EDNRA: variants seen among roughly 807,000 people sequenced by gnomAD.
EDNRA encodes the protein endothelin receptor type A.
Under a neutral mutation model 41.4 loss-of-function variants are expected in EDNRA, and 11 were observed. That is an observed-to-expected ratio of 0.27 (90% CI 0.17 to 0.44). The LOEUF is 0.44. Ranked by LOEUF, EDNRA falls within the 20% of genes least tolerant of loss-of-function variation. The probability of loss-of-function intolerance (pLI) is 1.00; values close to 1 mark genes in which losing one functional copy is unlikely to be tolerated. For missense variants in EDNRA, 294 were observed against 531.0 expected, an observed-to-expected ratio of 0.55 and a Z score of 4.39; for synonymous variants, 172 against 183.0, an observed-to-expected ratio of 0.94 and a Z score of 0.49.
At chr4:147,514,160 G>A (rs1054789047) in intron 2 of EDNRA, among the ~76,000 whole-genome samples, 2 of 152,176 alleles carry the variant, frequency 1.3e-5, no homozygotes, top group African/African-American at 4.8e-5. Context: ...CTTGTGGCAG[G>A]TATGAGAACT....
intron 4 of EDNRA, among the ~76,000 whole-genome samples, chr4:147,533,913 T>A (rs1474100782): frequency 6.6e-6 from 1 of 152,152 alleles, no homozygotes; most frequent in Non-Finnish European, 1.5e-5. Context: ...ACGGTTGCAG[T>A]AAAGGGTATG....
At chr4:147,532,831 T>C in intron 4 of EDNRA, 127 bp downstream of exon 4, 1 of 950,282 alleles carries the variant, frequency 1.1e-6, no homozygotes, top group Admixed American at 2.2e-5. Flanking sequence ...ATTCCTCAGT[T>C]GCATGAAAAG....
chr4:147,518,212 T>A (rs1730182639), intron 2 of EDNRA, among the ~76,000 whole-genome samples: 1 of 152,196 alleles, frequency 6.6e-6, no homozygotes, highest in Non-Finnish European at 1.5e-5. Flanking sequence ...TTTTATAGGG[T>A]GATTCATCTC....
At chr4:147,495,293 A>G (rs989926674) in intron 2 of EDNRA, 2 of 152,218 alleles carry the variant, frequency 1.3e-5, no homozygotes, top group Admixed American at 6.5e-5. Context: ...GACAAACCTT[A>G]TCATTACCAA....
intron 4 of EDNRA, 101 bp downstream of exon 4, chr4:147,532,805 G>A (rs1056279525): frequency 8.1e-7 from 1 of 1,242,016 alleles, no homozygotes; most frequent in Non-Finnish European, 1.2e-6. Flanking sequence ...GTCAAGTGTG[G>A]TTTCTTCTGT....
chr4:147,503,063 G>A (rs897940650), intron 2 of EDNRA, among the ~76,000 whole-genome samples: 1 of 151,928 alleles, frequency 6.6e-6, no homozygotes. Flanking sequence ...GTTCAGCCTT[G>A]AGTTTGTTTT....
intron 4 of EDNRA, among the ~76,000 whole-genome samples, chr4:147,534,830 T>C (rs537765001): frequency 6.6e-6 from 1 of 152,344 alleles, no homozygotes; most frequent in Non-Finnish European, 1.5e-5. Flanking sequence ...GAAGGGATTA[T>C]AGTCTTTACC....
intron 4 of EDNRA, 94 bp downstream of exon 4, chr4:147,532,798 A>ATC: frequency 3.0e-6 from 4 of 1,313,790 alleles, no homozygotes; most frequent in Non-Finnish European, 4.3e-6. Context: ...CCACAATGTC[A>ATC]AGTGTGGTTT....
chr4:147,524,051 G>A (rs1289006652), intron 3 of EDNRA, among the ~76,000 whole-genome samples: 2 of 152,034 alleles, frequency 1.3e-5, no homozygotes, highest in Non-Finnish European at 2.9e-5. Context: ...GAAAGGGAAG[G>A]AAGACCCTTC....
intron 3 of EDNRA, among the ~76,000 whole-genome samples, chr4:147,523,780 G>A (rs1030936778): frequency 1.3e-5 from 2 of 151,988 alleles, no homozygotes; most frequent in South Asian, 2.1e-4. Context: ...ATGAGCCACC[G>A]CGCCCGTCCT....
At chr4:147,501,802 A>G (rs1323161634) in intron 2 of EDNRA, among the ~76,000 whole-genome samples, 3 of 152,214 alleles carry the variant, frequency 2.0e-5, no homozygotes, top group African/African-American at 7.2e-5. Context: ...TTTGCAGACT[A>G]TGCTACAATT....
chr4:147,509,482 G>T (rs1729844230), intron 2 of EDNRA, among the ~76,000 whole-genome samples: 1 of 152,144 alleles, frequency 6.6e-6, no homozygotes, highest in Admixed American at 6.5e-5. Flanking sequence ...TCTAGATCAG[G>T]GGTCCTCAAC....
chr4:147,502,209 T>C (rs1729540369), intron 2 of EDNRA, among the ~76,000 whole-genome samples: 1 of 152,206 alleles, frequency 6.6e-6, no homozygotes, highest in Non-Finnish European at 1.5e-5. Flanking sequence ...TGCAAAAGTA[T>C]ACATTTTTAC....
At chr4:147,533,314 A>G (rs1054338738) in intron 4 of EDNRA, among the ~76,000 whole-genome samples, 3 of 152,216 alleles carry the variant, frequency 2.0e-5, no homozygotes, top group African/African-American at 7.2e-5. Flanking sequence ...ACACCTGACC[A>G]TATTAATGTT....
At chr4:147,501,321 T>C (rs1729510053) in intron 2 of EDNRA, among the ~76,000 whole-genome samples, 1 of 152,254 alleles carries the variant, frequency 6.6e-6, no homozygotes, top group South Asian at 2.1e-4. Flanking sequence ...AAAACATGCC[T>C]GTGCAGGGGC....
At position 147,525,595 on chromosome 4, in the gene EDNRA, C is replaced by CAAA. The variant is rs58331044; in HGVS notation, c.548+5628_548+5630dup. Among the ~76,000 whole-genome samples, 486 of 132,384 alleles carry CAAA rather than the reference C, an allele frequency of 3.7e-3. 9 individuals carry two copies. Among genetic ancestry groups the CAAA allele is most frequent in the African/African-American group, 0.012 (450 of 36,444 alleles). The allele number at this position is 132,384 out of a possible 152,430, so 86.8% of individuals were successfully genotyped here. A position where few individuals can be genotyped will look rare whatever the true frequency, so the allele number is the denominator to read the frequency against. On this transcript the variant is annotated intron_variant, in intron 3 of 7. Transcript: ENST00000651419. ...ATATTACTTTGAGTTTGTTTGGAGG[C>CAAA]AAAAAAAAAAAAAGCAGCAGCAGGA...
chr4:147,494,149 C>T (rs1212313138), intron 2 of EDNRA: 1 of 152,132 alleles, frequency 6.6e-6, no homozygotes, highest in African/African-American at 2.4e-5. Context: ...AACTCATTCA[C>T]CACTTGTTTA....
intron 3 of EDNRA, chr4:147,531,592 A>G (rs775969716): frequency 6.6e-6 from 1 of 152,294 alleles, no homozygotes; most frequent in African/African-American, 2.4e-5. Context: ...CTTAAAAAAC[A>G]TAGGCACAAC....
chr4:147,529,363 C>T (rs915867457), intron 3 of EDNRA, among the ~76,000 whole-genome samples: 6 of 152,078 alleles, frequency 3.9e-5, no homozygotes, highest in Admixed American at 2.6e-4. Context: ...TTAGGAATTA[C>T]CGCTAGATGG....
Sources: gnomAD v4.1 joint callset for allele counts (sites outside exome capture counted in the v4.1 genomes callset) on GRCh38, gnomAD v4.1.1 for gene constraint, MANE v1.5 for transcripts, NCBI Gene and HGNC (gene_info 2026-07-23, HGNC 2026-07-21) for gene names.